PHKG2: variants seen among roughly 807,000 people sequenced by gnomAD.
PHKG2 encodes the protein phosphorylase kinase catalytic subunit gamma 2.
A neutral mutation model predicts 44.5 loss-of-function variants in PHKG2; 28 were observed. The observed-to-expected ratio is 0.63, with a 90% confidence interval of 0.47 to 0.86. The LOEUF is 0.86. Among genes scored for constraint, PHKG2 ranks in the 40% least tolerant of loss-of-function variants. PHKG2 has a pLI of 0.00. For synonymous variants in PHKG2, 220 were observed against 211.2 expected, an observed-to-expected ratio of 1.04 and a Z score of -0.36; for missense variants, 498 against 547.5, an observed-to-expected ratio of 0.91 and a Z score of 0.90.
intron 4 of PHKG2, 38 bp downstream of exon 4, chr16:30,751,641 C>T (rs2053345852): frequency 1.3e-6 from 2 of 1,531,654 alleles, no homozygotes; most frequent in South Asian, 1.1e-5. Flanking sequence ...AAGCCTCCTC[C>T]CCACCTCCAT....
At position 30,757,005 on chromosome 16, in the gene PHKG2, C is replaced by T. The variant is rs925291187; in HGVS notation, c.1129C>T (p.Arg377Trp). 1.4e-5 allele frequency: 23 copies of T among 1,612,014 alleles called. No homozygotes were observed. The highest frequency in any genetic ancestry group is 1.6e-4 in the Middle Eastern group (1 of 6,078). ...QQNRAALFQH[R>W]PPGPFPIMGP... Reference sequence around the variant, plus strand: ...GAACCGGGCGGCTCTCTTTCAGCACCGGCCCCCTGGGCCTTTTCCCATCAT... The same window carrying T: ...GAACCGGGCGGCTCTCTTTCAGCACTGGCCCCCTGGGCCTTTTCCCATCAT... The change falls in exon 10 of 10, where the codon CGG becomes TGG. Residue 377 changes from arginine to tryptophan, a missense_variant. Coordinates refer to ENST00000563588, the MANE Select transcript of PHKG2 (RefSeq NM_000294.3).
chr16:30,753,616 G>A, intron 6 of PHKG2, 59 bp downstream of exon 6: 1 of 1,545,242 alleles, frequency 6.5e-7, no homozygotes, highest in Non-Finnish European at 8.9e-7. Flanking sequence ...TGATGAGATT[G>A]GTTGGCTGGG....
In PHKG2 at chr16:30,760,814, C is replaced by T. The variant is rs2053718844; in HGVS notation, c.*3717C>T. On this transcript the variant is annotated 3_prime_UTR_variant, in exon 10 of 10. Coordinates refer to ENST00000563588, the MANE Select transcript of PHKG2 (RefSeq NM_000294.3). ...GCTGTGTGACTATGCAAATCGTTAA[C>T]TCTCTGGGCCTAAATGAACTCTTAT... The T allele has an allele frequency of 7.0e-6, 5 of 715,526 alleles. No homozygotes were observed. In the South Asian group the frequency reaches 8.0e-5, roughly 11 times the overall value. 44.3% of individuals were successfully genotyped at this position (715,526 alleles called of 1,614,324 possible). A position where few individuals can be genotyped will look rare whatever the true frequency, so the allele number is the denominator to read the frequency against.
rs1196198216 is a variant in PHKG2 at position 30,756,592 on chromosome 16, C to T, written c.804C>T (p.Ile268=). The change falls in exon 9 of 10, where the codon ATC becomes ATT. Residue 268 remains isoleucine (I), a splice_region_variant and synonymous_variant. Transcript: ENST00000563588. ...CTCATGCTCTGGGTCTCTCCTAGAT[C>T]TCCAGGCTGCTGCAGGTGGATCCTG... ...DDRSSTVKDL[I]SRLLQVDPEA... The T allele has an allele frequency of 1.2e-6, 2 of 1,613,798 alleles. No homozygotes were observed. The highest frequency in any genetic ancestry group is 2.2e-5 in the East Asian group (1 of 44,876).
In PHKG2 at chr16:30,748,609, C is replaced by T. The variant is rs948822784; in HGVS notation, c.-19+119C>T. 6.8e-6 allele frequency: 4 copies of T among 591,040 alleles called. No individual in the cohort carries two copies. In the East Asian group the frequency reaches 1.1e-4, roughly 17 times the overall value. The allele number at this position is 591,040 out of a possible 1,614,324, so 36.6% of individuals were successfully genotyped here. On this transcript the variant is annotated intron_variant, in intron 1 of 9. Coordinates refer to ENST00000563588, the MANE Select transcript of PHKG2 (RefSeq NM_000294.3). ...CTCCTGGGCACATCTCCCCACTCCC[C>T]TCCCTGCCCTGCCATCCTCCCGCCC... is the stretch of plus-strand genomic sequence containing the variant.
In PHKG2 at chr16:30,753,520, G is replaced by A. The variant is rs768501872; in HGVS notation, c.519G>A (p.Gly173=). ...TGCAGATCCGACTTTCAGATTTCGG[G>A]TTCTCCTGCCACTTGGAACCTGGCG... The part of the protein sequence containing the change: ...DNMQIRLSDF[G]FSCHLEPGEK... The change falls in exon 6 of 10, where the codon GGG becomes GGA. Residue 173 remains glycine, a synonymous_variant. Transcript: ENST00000563588. 1.2e-6 allele frequency: 2 copies of A among 1,614,130 alleles called. No homozygotes were observed. The highest frequency in any genetic ancestry group is 1.1e-5 in the South Asian group (1 of 91,082).
rs373760692 is a variant in PHKG2 at position 30,756,201 on chromosome 16, G to A, written c.576G>A (p.Gly192=). ...EKLRELCGTP[G]YLAPEILKCS... is the part of the protein sequence containing the mutation. Reference sequence around the variant, plus strand: ...CCCCAGAGTTGTGTGGGACCCCAGGGTATCTAGCGCCAGAGATCCTTAAAT... The same window carrying A: ...CCCCAGAGTTGTGTGGGACCCCAGGATATCTAGCGCCAGAGATCCTTAAAT... Residue 192 remains glycine, a synonymous_variant, in exon 7 of 10, where the codon GGG becomes GGA. Transcript: ENST00000563588. 1.1e-5 allele frequency: 17 copies of A among 1,614,030 alleles called. No homozygotes were observed. The highest frequency in any genetic ancestry group is 1.4e-5 in the Non-Finnish European group (17 of 1,179,902).
chr16:30,749,106 C>CTGCTGCTGCTGG lies in PHKG2; in HGVS notation c.95+196_95+197insCTGCTGGTGCTG, dbSNP rs1567259550. Among the ~76,000 whole-genome samples the CTGCTGCTGCTGG allele has an allele frequency of 9.5e-4, 48 of 50,522 alleles. 11 individuals carry two copies. Among genetic ancestry groups the CTGCTGCTGCTGG allele is most frequent in the African/African-American group, 1.7e-3 (13 of 7,784 alleles). 33.1% of individuals were successfully genotyped at this position (50,522 alleles called of 152,430 possible). A position where few individuals can be genotyped will look rare whatever the true frequency, so the allele number is the denominator to read the frequency against. On this transcript the variant is annotated intron_variant, in intron 2 of 9. Coordinates refer to ENST00000563588, the MANE Select transcript of PHKG2 (RefSeq NM_000294.3). Reference sequence around the variant, plus strand: ...GGTGGTGGTGCTGCTGCTGCTGCTGCTGCTGGTGGTGCTGGTGCTGGTGGT... The same window carrying CTGCTGCTGCTGG: ...GGTGGTGGTGCTGCTGCTGCTGCTGCTGCTGCTGCTGGTGCTGGTGGTGCTGGTGCTGGTGGT...
chr16:30,756,561 C>G (rs746287661), intron 8 of PHKG2, 29 bp from the exon 9 acceptor site: 2 of 1,613,240 alleles, frequency 1.2e-6, no homozygotes, highest in Non-Finnish European at 1.7e-6. Context: ...GGCCCAAGAG[C>G]TGCCCCTCAT....
Position 30,757,293 on chromosome 16 carries a change from G to C in PHKG2, c.*196G>C. ...AGCTGGGGTGGAAGGGAGCCATTCT[G>C]AACGCCACGCCTGGCCCGGTCAGTG... On this transcript the variant is annotated 3_prime_UTR_variant, in exon 10 of 10. Coordinates refer to ENST00000563588, the MANE Select transcript of PHKG2 (RefSeq NM_000294.3). 1.3e-6 allele frequency: 2 copies of C among 1,539,794 alleles called. No individual in the cohort carries two copies. Among genetic ancestry groups the C allele is most frequent in the Non-Finnish European group, 1.7e-6 (2 of 1,151,584 alleles).
At chr16:30,754,367 T>C (rs543138440) in intron 6 of PHKG2, among the ~76,000 whole-genome samples, 2 of 152,120 alleles carry the variant, frequency 1.3e-5, no homozygotes, top group Non-Finnish European at 2.9e-5. Flanking sequence ...AATTTCACAA[T>C]GTTGGCCAGG....
rs2053540887 is a variant in PHKG2, at chr16:30,758,751, C to T, written c.*1654C>T. The T allele has an allele frequency of 1.9e-6, 1 of 515,136 alleles. No individual in the cohort carries two copies. Among genetic ancestry groups the T allele is most frequent in the East Asian group, 3.7e-5 (1 of 26,930 alleles). 31.9% of individuals were successfully genotyped at this position (515,136 alleles called of 1,614,324 possible). On this transcript the variant is annotated 3_prime_UTR_variant, in exon 10 of 10. Coordinates refer to ENST00000563588, the MANE Select transcript of PHKG2 (RefSeq NM_000294.3). ...TTGTATTTTAGTAGATAGGGGGTTT[C>T]ACGGTGTTGCCCAGGCTGGTCGCGA...
In PHKG2 at chr16:30,758,470, A is replaced by G. The variant is rs994834345; in HGVS notation, c.*1373A>G. The G allele has an allele frequency of 2.9e-5, 5 of 172,538 alleles. No individual in the cohort carries two copies. Among genetic ancestry groups the G allele is most frequent in the East Asian group, 1.7e-4 (1 of 5,896 alleles). 10.7% of individuals were successfully genotyped at this position (172,538 alleles called of 1,614,324 possible). On this transcript the variant is annotated 3_prime_UTR_variant, in exon 10 of 10. Coordinates refer to ENST00000563588, the MANE Select transcript of PHKG2 (RefSeq NM_000294.3). Reference sequence around the variant, plus strand: ...TGGGCCATGGTGGTTTGCTTTACCCATCAACCCATCATATAGGTTTTAAGC... The same window carrying G: ...TGGGCCATGGTGGTTTGCTTTACCCGTCAACCCATCATATAGGTTTTAAGC...
At position 30,760,306 on chromosome 16, in the gene PHKG2, C is replaced by A; in HGVS notation, c.*3209C>A. 1 of 1,614,186 alleles carries A rather than the reference C, an allele frequency of 6.2e-7. No homozygotes were observed. The highest frequency in any genetic ancestry group is 8.5e-7 in the Non-Finnish European group (1 of 1,180,040). Reference sequence around the variant, plus strand: ...CACCAATACAAGCCTTGTGAAGATCCTGGAGCAGGGCACAAGCCGCTGACG... The same window carrying A: ...CACCAATACAAGCCTTGTGAAGATCATGGAGCAGGGCACAAGCCGCTGACG... On this transcript the variant is annotated 3_prime_UTR_variant, in exon 10 of 10. Coordinates refer to ENST00000563588, the MANE Select transcript of PHKG2 (RefSeq NM_000294.3).
intron 2 of PHKG2, among the ~76,000 whole-genome samples, chr16:30,749,195 GC>G (rs1201365190): frequency 0.023 from 2,015 of 87,070 alleles, 167 homozygotes; most frequent in Middle Eastern, 0.035. Flanking sequence ...TGGTGGTGGT[GC>G]TGGTGGTGGT....
Position 30,759,630 on chromosome 16 carries a change from C to A in PHKG2, c.*2533C>A. 6.2e-7 allele frequency: 1 copy of A among 1,613,958 alleles called. No homozygotes were observed. Among genetic ancestry groups the A allele is most frequent in the African/African-American group, 1.3e-5 (1 of 75,010 alleles). ...CCTTGTCTGGGGATGGGTAAAGTTT[C>A]CAGAATGTTCCAGGGGAACTGACCC... On this transcript the variant is annotated 3_prime_UTR_variant, in exon 10 of 10. Transcript: ENST00000563588.
At position 30,759,936 on chromosome 16, in the gene PHKG2, CCCTTACGAAG is replaced by C. The variant is rs1421923904; in HGVS notation, c.*2841_*2850del. 9 of 1,440,940 alleles carry C rather than the reference CCCTTACGAAG, an allele frequency of 6.2e-6. No homozygotes were observed. The highest frequency in any genetic ancestry group is 8.2e-6 in the Non-Finnish European group (9 of 1,102,110). The allele number at this position is 1,440,940 out of a possible 1,614,324, so 89.3% of individuals were successfully genotyped here. A position where few individuals can be genotyped will look rare whatever the true frequency, so the allele number is the denominator to read the frequency against. On this transcript the variant is annotated 3_prime_UTR_variant, in exon 10 of 10. Coordinates refer to ENST00000563588, the MANE Select transcript of PHKG2 (RefSeq NM_000294.3). Reference sequence around the variant, plus strand: ...ACTGAACAAGACAGACAAGGTCCTGCCCTTACGAAGCTTATATTCTAGGGGAATAAACCAA... The same window carrying C: ...ACTGAACAAGACAGACAAGGTCCTGCCTTATATTCTAGGGGAATAAACCAA...
Position 30,756,178 on chromosome 16 carries a change from C to T in PHKG2, c.557-4C>T, listed in dbSNP as rs754909775. 3.1e-6 allele frequency: 5 copies of T among 1,612,966 alleles called. No homozygotes were observed. The South Asian group carries it at 5.5e-5, about 18-fold the overall frequency. On this transcript the variant is annotated splice_polypyrimidine_tract_variant and splice_region_variant and intron_variant, in intron 6 of 9. Transcript: ENST00000563588. ...TCCCCTCAATCTTGGTCCTCTCTCC[C>T]CAGAGTTGTGTGGGACCCCAGGGTA... is the stretch of plus-strand genomic sequence containing the variant.
At position 30,757,966 on chromosome 16, in the gene PHKG2, T is replaced by A; in HGVS notation, c.*869T>A. The A allele has an allele frequency of 4.8e-6, 2 of 418,238 alleles. No homozygotes were observed. The highest frequency in any genetic ancestry group is 3.8e-6 in the Non-Finnish European group (1 of 261,766). 25.9% of individuals were successfully genotyped at this position (418,238 alleles called of 1,614,324 possible). On this transcript the variant is annotated 3_prime_UTR_variant, in exon 10 of 10. Coordinates refer to ENST00000563588, the MANE Select transcript of PHKG2 (RefSeq NM_000294.3). ...GGATAGTGATACCTAGCACATAGGA[T>A]TGAGGGAGGATTAAATGAGTTAATT...
Sources: gnomAD v4.1 joint callset for allele counts (sites outside exome capture counted in the v4.1 genomes callset) on GRCh38, gnomAD v4.1.1 for gene constraint, MANE v1.5 for transcripts, NCBI Gene and HGNC (gene_info 2026-07-23, HGNC 2026-07-21) for gene names.